The following SPIRE1 variants were observed in gnomAD, a reference collection of about 807,000 sequenced individuals.
The protein encoded by SPIRE1 is spire type actin nucleation factor 1.
SPIRE1 carries 40 observed loss-of-function variants against 94.1 expected under a neutral mutation model. The ratio of observed to expected loss-of-function variants is 0.43; its 90% CI spans 0.33 to 0.55. SPIRE1 has a LOEUF of 0.55. Among genes scored for constraint, SPIRE1 ranks in the 20% least tolerant of loss-of-function variants. SPIRE1 has a pLI of 0.06. For synonymous variants in SPIRE1, 376 were observed against 371.7 expected, an observed-to-expected ratio of 1.01 and a Z score of -0.13; for missense variants, 838 against 975.2, an observed-to-expected ratio of 0.86 and a Z score of 1.87.
At chr18:12,459,947 A>G in intron 12 of SPIRE1, 1 of 984,140 alleles carries the variant, frequency 1.0e-6, no homozygotes, top group Non-Finnish European at 1.2e-6. Context: ...CAGATAAGGG[A>G]AAAAGAAAAT....
chr18:12,576,347 T>G (rs138803615), intron 2 of SPIRE1, among the ~76,000 whole-genome samples: 5 of 151,888 alleles, frequency 3.3e-5, no homozygotes, highest in African/African-American at 1.2e-4. Context: ...TCTGTAATCC[T>G]GACACTTTGG....
chr18:12,578,561 T>C (rs1001498557), intron 2 of SPIRE1, among the ~76,000 whole-genome samples: 4 of 152,246 alleles, frequency 2.6e-5, no homozygotes, highest in Non-Finnish European at 5.9e-5. Flanking sequence ...CTCATCAAAC[T>C]GTACATTTAA....
intron 2 of SPIRE1, among the ~76,000 whole-genome samples, chr18:12,557,917 G>A (rs1382369757): frequency 6.6e-6 from 1 of 152,060 alleles, no homozygotes; most frequent in Non-Finnish European, 1.5e-5. Flanking sequence ...ATACACTGGG[G>A]AAAAGACGGT....
At chr18:12,506,197 G>A (rs957692583) in intron 6 of SPIRE1, among the ~76,000 whole-genome samples, 10 of 151,966 alleles carry the variant, frequency 6.6e-5, no homozygotes, top group Non-Finnish European at 1.5e-4. Flanking sequence ...TCACTCTGTC[G>A]CTGAGGCTGG....
intron 2 of SPIRE1, among the ~76,000 whole-genome samples, chr18:12,552,543 C>A (rs554531127): frequency 6.6e-6 from 1 of 152,190 alleles, no homozygotes; most frequent in South Asian, 2.1e-4. Context: ...AACTAAAAGG[C>A]AGAAATGAAA....
rs1277139425 is a variant in SPIRE1 at position 12,553,419 on chromosome 18, T to G, written c.373-6515A>C. On this transcript the variant is annotated intron_variant, in intron 2 of 16. Coordinates refer to ENST00000409402, the MANE Select transcript of SPIRE1 (RefSeq NM_001128626.2). ...GACTGGAAAGGCCTTGGGCCCTCAATGAACATCAGCAGTAGCCTGGCAGTA... is the reference window on the plus strand; with the variant it reads ...GACTGGAAAGGCCTTGGGCCCTCAAGGAACATCAGCAGTAGCCTGGCAGTA... 2.0e-5 allele frequency among the ~76,000 whole-genome samples: 3 copies of G among 151,608 alleles called. No individual in the cohort carries two copies. The East Asian group carries it at 5.8e-4, about 30-fold the overall frequency.
At chr18:12,561,303 CTT>C (rs549546053) in intron 2 of SPIRE1, among the ~76,000 whole-genome samples, 4 of 137,556 alleles carry the variant, frequency 2.9e-5, no homozygotes, top group African/African-American at 1.1e-4. Context: ...GAGTTTTGCT[CTT>C]GTTGCCCAGG....
chr18:12,649,913 C>T (rs569274944), intron 1 of SPIRE1, among the ~76,000 whole-genome samples: 2 of 152,208 alleles, frequency 1.3e-5, no homozygotes, highest in African/African-American at 2.4e-5. Flanking sequence ...ACCCAACACA[C>T]GTAGAAATAT....
At chr18:12,505,031 T>A (rs1381206114) in intron 6 of SPIRE1, among the ~76,000 whole-genome samples, 1 of 152,166 alleles carries the variant, frequency 6.6e-6, no homozygotes, top group African/African-American at 2.4e-5. Context: ...TCCAGCCGTG[T>A]GGGCTGTGCC....
At chr18:12,529,430 G>C (rs1034236208) in intron 4 of SPIRE1, among the ~76,000 whole-genome samples, 4 of 152,028 alleles carry the variant, frequency 2.6e-5, no homozygotes, top group Admixed American at 1.3e-4. Flanking sequence ...GGCCTGAGGA[G>C]ATGTCCTTTC....
chr18:12,454,521 C>A, intron 12 of SPIRE1, 38 bp from the exon 13 acceptor site: 5 of 1,611,100 alleles, frequency 3.1e-6, no homozygotes, highest in Non-Finnish European at 3.4e-6. Flanking sequence ...GAGATTCCTA[C>A]CCCCTGTTCT....
intron 6 of SPIRE1, among the ~76,000 whole-genome samples, chr18:12,499,732 A>G (rs907902798): frequency 6.6e-6 from 1 of 152,208 alleles, no homozygotes; most frequent in Non-Finnish European, 1.5e-5. Flanking sequence ...CAGAAGGAAA[A>G]ATAGATAAAT....
Position 12,516,939 on chromosome 18 carries a change from T to C in SPIRE1, c.730-4408A>G, listed in dbSNP as rs76940348. ...TGCCACTAAGAAAAACTATCTGTTC[T>C]TTATAACATTGAAGACAATTGAAAT... On this transcript the variant is annotated intron_variant, in intron 4 of 16. Transcript: ENST00000409402. Among the ~76,000 whole-genome samples the C allele has an allele frequency of 3.7e-3, 558 of 152,330 alleles. 4 individuals carry two copies. Among genetic ancestry groups the C allele is most frequent in the Non-Finnish European group, 6.0e-3 (411 of 68,036 alleles).
chr18:12,566,716 C>A (rs1487238942), intron 2 of SPIRE1, among the ~76,000 whole-genome samples: 1 of 151,920 alleles, frequency 6.6e-6, no homozygotes, highest in Non-Finnish European at 1.5e-5. Flanking sequence ...AATAACCTTC[C>A]AAAACAGAAA....
At chr18:12,476,107 T>A (rs1395517668) in intron 10 of SPIRE1, among the ~76,000 whole-genome samples, 1 of 152,240 alleles carries the variant, frequency 6.6e-6, no homozygotes, top group Non-Finnish European at 1.5e-5. Flanking sequence ...CATCTACCAC[T>A]ATTAAAGAGA....
chr18:12,626,767 G>A (rs1267587595), intron 2 of SPIRE1, among the ~76,000 whole-genome samples: 1 of 151,334 alleles, frequency 6.6e-6, no homozygotes, highest in Non-Finnish European at 1.5e-5. Flanking sequence ...TATATACTTA[G>A]CTCTCATCCC....
At chr18:12,656,018 C>G in intron 1 of SPIRE1, among the ~76,000 whole-genome samples, 1 of 152,130 alleles carries the variant, frequency 6.6e-6, no homozygotes, top group East Asian at 1.9e-4. Context: ...CCCACCTCAG[C>G]CTCCCGAGTA....
chr18:12,491,775 T>C (rs373843315), intron 8 of SPIRE1, among the ~76,000 whole-genome samples: 2 of 152,092 alleles, frequency 1.3e-5, no homozygotes, highest in African/African-American at 2.4e-5. Flanking sequence ...AAAATCAATA[T>C]GGAATGGTGG....
At chr18:12,470,167 G>A (rs1463313610) in intron 10 of SPIRE1, among the ~76,000 whole-genome samples, 8 of 151,846 alleles carry the variant, frequency 5.3e-5, no homozygotes, top group Non-Finnish European at 7.4e-5. Context: ...GGCTGGTCTC[G>A]AACTCCTTAG....
Sources: gnomAD v4.1 joint callset for allele counts (sites outside exome capture counted in the v4.1 genomes callset) on GRCh38, gnomAD v4.1.1 for gene constraint, MANE v1.5 for transcripts, NCBI Gene and HGNC (gene_info 2026-07-23, HGNC 2026-07-21) for gene names.